The following PDZRN4 variants were observed in gnomAD, a reference collection of about 807,000 sequenced individuals.
PDZRN4 encodes the protein PDZ domain containing ring finger 4, also known as PDZ domain-containing RING finger protein 4.
PDZRN4 carries 70 observed loss-of-function variants against 99.0 expected under a neutral mutation model. That is an observed-to-expected ratio of 0.71 (90% CI 0.58 to 0.86). The LOEUF (loss-of-function observed/expected upper bound fraction) is 0.86, where lower values mean the gene tolerates loss of function less well. PDZRN4 is among the 40% of genes least tolerant of loss of function. The pLI is 0.00. For missense variants in PDZRN4, 1,474 were observed against 1,331.2 expected (o/e 1.11, Z -1.67); for synonymous variants, 551 against 501.6 (o/e 1.10, Z -1.32).
intron 3 of PDZRN4, among the ~76,000 whole-genome samples, chr12:41,450,869 A>G (rs1952768856): frequency 6.6e-6 from 1 of 152,196 alleles, no homozygotes; most frequent in Admixed American, 6.5e-5. Context: ...TCCAGGCTGC[A>G]GTGAGCTATA....
chr12:41,327,870 G>T (rs1395248349), intron 3 of PDZRN4, among the ~76,000 whole-genome samples: 2 of 151,912 alleles, frequency 1.3e-5, no homozygotes, highest in African/African-American at 4.8e-5. Flanking sequence ...ATAAATGTGA[G>T]ATACTTTACA....
intron 3 of PDZRN4, among the ~76,000 whole-genome samples, chr12:41,466,828 A>C (rs1181757358): frequency 6.8e-6 from 1 of 146,718 alleles, no homozygotes; most frequent in East Asian, 2.0e-4. Context: ...TTGCACCATG[A>C]ACCATGCTGA....
intron 9 of PDZRN4, among the ~76,000 whole-genome samples, chr12:41,571,102 A>G (rs1449763806): frequency 6.6e-6 from 1 of 152,068 alleles, no homozygotes; most frequent in Non-Finnish European, 1.5e-5. Flanking sequence ...GTGTAATTAC[A>G]TCTTCTAGAG....
chr12:41,358,543 C>T (rs533151254), intron 3 of PDZRN4, among the ~76,000 whole-genome samples: 1 of 151,924 alleles, frequency 6.6e-6, no homozygotes, highest in East Asian at 2.0e-4. Flanking sequence ...GTTGATTTGC[C>T]CAATGTCACC....
chr12:41,385,734 C>T (rs1952165126), intron 3 of PDZRN4, among the ~76,000 whole-genome samples: 1 of 152,078 alleles, frequency 6.6e-6, no homozygotes, highest in Non-Finnish European at 1.5e-5. Context: ...CTGAATTCTA[C>T]CAGATGTACA....
intron 3 of PDZRN4, among the ~76,000 whole-genome samples, chr12:41,493,125 A>G (rs979834065): frequency 6.6e-6 from 1 of 152,206 alleles, no homozygotes; most frequent in Admixed American, 6.6e-5. Context: ...TTGTTCTAAA[A>G]AGCCACAAGT....
At chr12:41,426,538 T>G (rs1952538480) in intron 3 of PDZRN4, among the ~76,000 whole-genome samples, 1 of 152,180 alleles carries the variant, frequency 6.6e-6, no homozygotes, top group African/African-American at 2.4e-5. Context: ...TCAAACCTAT[T>G]TGTATTTAAA....
At chr12:41,240,992 G>C (rs1411308147) in intron 3 of PDZRN4, among the ~76,000 whole-genome samples, 1 of 152,056 alleles carries the variant, frequency 6.6e-6, no homozygotes, top group Non-Finnish European at 1.5e-5. Context: ...TGAAGTTTTA[G>C]AGTGGTAAAA....
At chr12:41,510,371 T>C (rs1463320972) in intron 5 of PDZRN4, among the ~76,000 whole-genome samples, 1 of 152,160 alleles carries the variant, frequency 6.6e-6, no homozygotes, top group Non-Finnish European at 1.5e-5. Flanking sequence ...AAAGAGCCAT[T>C]TCACAGACTT....
At chr12:41,555,515 A>T (rs754364169) in intron 6 of PDZRN4, among the ~76,000 whole-genome samples, 183 bp from the exon 7 acceptor site, 3 of 152,194 alleles carry the variant, frequency 2.0e-5, no homozygotes, top group Non-Finnish European at 4.4e-5. Context: ...TGTTCATTCT[A>T]AAATAGCTCA....
At chr12:41,304,131 C>T (rs1592004529) in intron 3 of PDZRN4, among the ~76,000 whole-genome samples, 1 of 152,294 alleles carries the variant, frequency 6.6e-6, no homozygotes, top group South Asian at 2.1e-4. Flanking sequence ...AGAGGAAATG[C>T]ATTCTGGTGG....
At position 41,573,737 on chromosome 12, in the gene PDZRN4, T is replaced by A. The variant is rs1939527243; in HGVS notation, c.2958T>A (p.Asn986Lys). The A allele has an allele frequency of 6.2e-7, 1 of 1,613,836 alleles. No individual in the cohort carries two copies. The highest frequency in any genetic ancestry group is 8.5e-7 in the Non-Finnish European group (1 of 1,179,932). Reference protein sequence around the residue: ...QSGSEGKKEINIIELSHKKMM... With the variant: ...QSGSEGKKEIKIIELSHKKMM... Reference sequence around the variant, plus strand: ...GCAGTGAGGGCAAGAAGGAGATCAATATCATTGAACTGAGTCACAAAAAGA... The same window carrying A: ...GCAGTGAGGGCAAGAAGGAGATCAAAATCATTGAACTGAGTCACAAAAAGA... The change falls in exon 10 of 10, where the codon AAT (asparagine) becomes AAA (lysine). Residue 986 changes from asparagine to lysine, a missense_variant. Transcript: ENST00000402685.
At chr12:41,457,275 A>T (rs1422866798) in intron 3 of PDZRN4, among the ~76,000 whole-genome samples, 2 of 152,194 alleles carry the variant, frequency 1.3e-5, no homozygotes, top group Non-Finnish European at 2.9e-5. Flanking sequence ...CAATTTGTAT[A>T]AACAAAAATA....
At chr12:41,351,965 A>G (rs939855531) in intron 3 of PDZRN4, among the ~76,000 whole-genome samples, 3 of 141,932 alleles carry the variant, frequency 2.1e-5, no homozygotes, top group Non-Finnish European at 4.7e-5. Context: ...GGCAACAAAG[A>G]GAGACCATTG....
chr12:41,468,147 G>C (rs1183975146), intron 3 of PDZRN4, among the ~76,000 whole-genome samples: 1 of 152,190 alleles, frequency 6.6e-6, no homozygotes, highest in African/African-American at 2.4e-5. Flanking sequence ...TGTGGGCAAA[G>C]TACTGGCTGC....
At chr12:41,563,717 G>A (rs1939313795) in intron 8 of PDZRN4, 68 bp downstream of exon 8, 12 of 1,024,920 alleles carry the variant, frequency 1.2e-5, no homozygotes, top group South Asian at 1.0e-4. Context: ...ATGTAAATTC[G>A]TGAATGAATT....
At chr12:41,240,023 A>G (rs570327558) in intron 3 of PDZRN4, among the ~76,000 whole-genome samples, 194 of 152,346 alleles carry the variant, frequency 1.3e-3, no homozygotes, top group African/African-American at 4.5e-3. Context: ...CTTGGGCAGC[A>G]TGGAGTAAAT....
chr12:41,335,835 T>C (rs10785238), intron 3 of PDZRN4, among the ~76,000 whole-genome samples: 58,382 of 151,948 alleles, frequency 0.38, 11,300 homozygotes, highest in African/African-American at 0.4. Context: ...GGTAGCTTTA[T>C]CTCATTATTT....
At chr12:41,444,708 A>C (rs1240391284) in intron 3 of PDZRN4, among the ~76,000 whole-genome samples, 1 of 152,108 alleles carries the variant, frequency 6.6e-6, no homozygotes, top group African/African-American at 2.4e-5. Flanking sequence ...CTTTTTGTTA[A>C]ATGCAAAATT....
Sources: allele counts gnomAD v4.1 joint callset (sites outside exome capture counted in the v4.1 genomes callset), GRCh38; gene constraint gnomAD v4.1.1; transcripts MANE v1.5; gene names NCBI Gene and HGNC (gene_info 2026-07-23, HGNC 2026-07-21).